The following STIL variants were observed in gnomAD, a reference collection of about 807,000 sequenced individuals.
The protein encoded by STIL is STIL centriolar assembly protein, also known as SCL-interrupting locus protein.
Under a neutral mutation model 110.1 loss-of-function variants are expected in STIL, and 55 were observed. That is an observed-to-expected ratio of 0.50 (90% confidence interval 0.40 to 0.63). The LOEUF (loss-of-function observed/expected upper bound fraction) is 0.63. Ranked by LOEUF, STIL falls within the 20% of genes least tolerant of loss-of-function variation. The pLI, the probability that STIL is intolerant of heterozygous loss-of-function variation, is 0.00. For missense variants in STIL, 1,358 were observed against 1,530.0 expected (o/e 0.89, Z 1.87); for synonymous variants, 481 against 530.0 (o/e 0.91, Z 1.27).
At chr1:47,255,587 T>C (rs1644306927) in intron 16 of STIL, among the ~76,000 whole-genome samples, 1 of 150,406 alleles carries the variant, frequency 6.6e-6, no homozygotes, top group East Asian at 1.9e-4. Context: ...TGATTCATGA[T>C]CCTATTTGAA....
chr1:47,273,398 T>C (rs1570114113), intron 12 of STIL, among the ~76,000 whole-genome samples: 2 of 152,232 alleles, frequency 1.3e-5, no homozygotes, highest in East Asian at 1.9e-4. Flanking sequence ...CGGTCTAACA[T>C]GATTTCTATC....
At chr1:47,283,926 T>TCTCC (rs1447611543) in intron 10 of STIL, 1 of 149,652 alleles carries the variant, frequency 6.7e-6, no homozygotes, top group East Asian at 2.0e-4. Context: ...GTGGATAGAG[T>TCTCC]CTCCCTCTGT....
At chr1:47,282,204 A>G (rs1009955065) in intron 11 of STIL, 141 bp downstream of exon 11, 5 of 618,860 alleles carry the variant, frequency 8.1e-6, no homozygotes, top group African/African-American at 1.9e-5. Context: ...CTCTATATAT[A>G]GATATAACCA....
At chr1:47,291,339 C>T (rs536618376) in intron 8 of STIL, among the ~76,000 whole-genome samples, 7 of 150,768 alleles carry the variant, frequency 4.6e-5, no homozygotes, top group Non-Finnish European at 8.9e-5. Flanking sequence ...CCAGCCTGGG[C>T]GACAGAGCAA....
chr1:47,251,585 C>G lies in STIL; in HGVS notation c.3418G>C (p.Glu1140Gln). ...LQSSDNSEDE[E>Q]EPPDNADSKS... ...CTATCTGCATTGTCGGGAGGTTCCTCTTCATCTTCACTATTGTCACTGCTT... is the reference window on the plus strand; with the variant it reads ...CTATCTGCATTGTCGGGAGGTTCCTGTTCATCTTCACTATTGTCACTGCTT... Residue 1140 changes from glutamate (E) to glutamine (Q), a missense_variant, in exon 17 of 17, where the codon GAG becomes CAG. Physicochemically the swap from Glu to Gln is conservative, Grantham distance 29 (BLOSUM62 2). Transcript: ENST00000371877. 1 of 1,613,804 alleles carries G rather than the reference C, an allele frequency of 6.2e-7. No individual in the cohort carries two copies. Among genetic ancestry groups the G allele is most frequent in the Non-Finnish European group, 8.5e-7 (1 of 1,179,842 alleles).
chr1:47,293,342 GTTTA>G (rs1214593034), intron 8 of STIL, 112 bp downstream of exon 8: 3 of 801,212 alleles, frequency 3.7e-6, no homozygotes, highest in Admixed American at 2.4e-5. Context: ...TAATGTACGT[GTTTA>G]TTTATAAGTA....
At chr1:47,272,325 C>A in intron 12 of STIL, 84 bp from the exon 13 acceptor site, 2 of 1,438,648 alleles carry the variant, frequency 1.4e-6, no homozygotes, top group Non-Finnish European at 1.9e-6. Flanking sequence ...TTACAAAGCG[C>A]CCTAATTATA....
chr1:47,275,687 C>T (rs931996797), intron 12 of STIL, among the ~76,000 whole-genome samples: 10 of 151,932 alleles, frequency 6.6e-5, no homozygotes, highest in South Asian at 2.1e-4. Context: ...TACAGTGGCA[C>T]GGTCTTGGCT....
intron 13 of STIL, among the ~76,000 whole-genome samples, chr1:47,271,393 GA>G (rs1644830756): frequency 6.6e-6 from 1 of 151,748 alleles, no homozygotes; most frequent in Non-Finnish European, 1.5e-5. Flanking sequence ...CCAACATAGT[GA>G]AACCCCATCT....
chr1:47,295,229 G>A (rs910420552), intron 7 of STIL, among the ~76,000 whole-genome samples: 4 of 152,006 alleles, frequency 2.6e-5, no homozygotes, highest in South Asian at 2.1e-4. Flanking sequence ...GAGCCACTGC[G>A]CCTGGCCATA....
intron 12 of STIL, among the ~76,000 whole-genome samples, chr1:47,278,750 G>C (rs1446928225): frequency 6.6e-6 from 1 of 151,828 alleles, no homozygotes; most frequent in Admixed American, 6.6e-5. Context: ...AAGATCACTT[G>C]AGCTGAGGAG....
At chr1:47,306,851 A>G (rs1645974517) in intron 2 of STIL, among the ~76,000 whole-genome samples, 1 of 152,100 alleles carries the variant, frequency 6.6e-6, no homozygotes, top group African/African-American at 2.4e-5. Context: ...GAAAACCACA[A>G]TAAGAAAAAG....
intron 14 of STIL, among the ~76,000 whole-genome samples, chr1:47,266,878 T>C (rs1046900646): frequency 3.3e-5 from 5 of 152,238 alleles, no homozygotes; most frequent in African/African-American, 1.2e-4. Context: ...TTAATGAGCA[T>C]GCAATAAATT....
chr1:47,265,255 A>AAAAAAAAC, intron 14 of STIL, among the ~76,000 whole-genome samples: 1 of 150,736 alleles, frequency 6.6e-6, no homozygotes, highest in African/African-American at 2.4e-5. Context: ...AAAAAAAAAA[A>AAAAAAAAC]AAAAACACAA....
chr1:47,300,895 ACTG>A (rs953543989), intron 5 of STIL, among the ~76,000 whole-genome samples: 1 of 152,054 alleles, frequency 6.6e-6, no homozygotes, highest in African/African-American at 2.4e-5. Context: ...TCCTAGTTTC[ACTG>A]CTACCATTGT....
At position 47,304,994 on chromosome 1, in the gene STIL, A is replaced by C; in HGVS notation, c.47T>G (p.Phe16Cys). Reference sequence around the variant, plus strand: ...GAAAGGTACCATCCTGCTTGAAGGAAACCTTTTGAAAAAACAATGTAAAAT... The same window carrying C: ...GAAAGGTACCATCCTGCTTGAAGGACACCTTTTGAAAAAACAATGTAAAAT... ...PFARPQMNTR[F>C]PSSRMVPFHF... The change falls in exon 3 of 17, where the codon TTT (phenylalanine) becomes TGT (cysteine). Residue 16 changes from phenylalanine to cysteine, a missense_variant and splice_region_variant. Physicochemically the swap from Phe to Cys is radical, Grantham distance 205. Transcript: ENST00000371877. 1 of 1,612,814 alleles carries C rather than the reference A, an allele frequency of 6.2e-7. No homozygotes were observed. The highest frequency in any genetic ancestry group is 8.5e-7 in the Non-Finnish European group (1 of 1,178,888).
At chr1:47,289,043 C>T (rs1645392906) in intron 9 of STIL, among the ~76,000 whole-genome samples, 1 of 118,412 alleles carries the variant, frequency 8.4e-6, no homozygotes, top group South Asian at 2.9e-4. Context: ...GCCTGGGCAA[C>T]TGAGTGAGAT....
intron 14 of STIL, among the ~76,000 whole-genome samples, chr1:47,268,671 T>C (rs996867945): frequency 1.3e-5 from 2 of 151,190 alleles, no homozygotes; most frequent in African/African-American, 4.9e-5. Context: ...GGCAGGAGAA[T>C]CACTTGAACC....
At chr1:47,273,602 T>A (rs951161548) in intron 12 of STIL, among the ~76,000 whole-genome samples, 2 of 152,238 alleles carry the variant, frequency 1.3e-5, no homozygotes, top group Non-Finnish European at 2.9e-5. Context: ...ACTCATCAGC[T>A]GACAGACATT....
Sources: gnomAD v4.1 joint callset for allele counts (sites outside exome capture counted in the v4.1 genomes callset) on GRCh38, gnomAD v4.1.1 for gene constraint, MANE v1.5 for transcripts, NCBI Gene and HGNC (gene_info 2026-07-23, HGNC 2026-07-21) for gene names.